CREB3L4: variants seen among roughly 807,000 people sequenced by gnomAD.
CREB3L4 encodes the protein cAMP responsive element binding protein 3 like 4, also known as cyclic AMP-responsive element-binding protein 3-like protein 4.
A neutral mutation model predicts 37.0 loss-of-function variants in CREB3L4; 28 were observed. The observed-to-expected ratio is 0.76, with a 90% confidence interval of 0.56 to 1.04. The LOEUF (loss-of-function observed/expected upper bound fraction) is 1.04, where lower values mean the gene tolerates loss of function less well. Among genes scored for constraint, CREB3L4 ranks in the 50% least tolerant of loss-of-function variants. CREB3L4 has a pLI of 0.00. For missense variants in CREB3L4, 462 were observed against 486.0 expected (o/e 0.95, Z 0.46); for synonymous variants, 175 against 192.2 (o/e 0.91, Z 0.74).
At chr1:153,968,725 G>C (rs1277058444) in intron 2 of CREB3L4, 26 bp downstream of exon 2, 1 of 1,613,102 alleles carries the variant, frequency 6.2e-7, no homozygotes. Flanking sequence ...GGGAGTGGGG[G>C]TGGGGTTGAG....
intron 4 of CREB3L4, among the ~76,000 whole-genome samples, chr1:153,972,511 G>T (rs1296158824): frequency 6.6e-6 from 1 of 152,160 alleles, no homozygotes; most frequent in Non-Finnish European, 1.5e-5. Flanking sequence ...GTGTCTGGGT[G>T]AAGGATATGA....
At chr1:153,971,587 C>CTTTTTTTTT (rs55930906) in intron 4 of CREB3L4, among the ~76,000 whole-genome samples, 252 of 107,266 alleles carry the variant, frequency 2.3e-3, no homozygotes, top group African/African-American at 2.8e-3. Flanking sequence ...TTTTCTTTTT[C>CTTTTTTTTT]TTTTTTTTTT....
chr1:153,973,543 C>T (rs1292181878), intron 8 of CREB3L4, 77 bp from the exon 9 acceptor site: 1 of 1,564,888 alleles, frequency 6.4e-7, no homozygotes, highest in Non-Finnish European at 8.8e-7. Flanking sequence ...ATCTACTTCC[C>T]ACATCCGATA....
rs1033057371 is a variant in CREB3L4 at position 153,968,633 on chromosome 1, G to A, written c.108G>A (p.Glu36=). The A allele has an allele frequency of 1.2e-6, 2 of 1,614,032 alleles. No homozygotes were observed. Among genetic ancestry groups the A allele is most frequent in the Middle Eastern group, 1.6e-4 (1 of 6,062 alleles). Residue 36 remains glutamate (E), a synonymous_variant, in exon 2 of 10, where the codon GAG becomes GAA. Coordinates refer to ENST00000368607, the MANE Select transcript of CREB3L4 (RefSeq NM_001255978.2). ...TGGGACTCCACTGCCCCCCTCCAGA[G>A]GTTCCGGTAACTAGGCTACAGGAAC... ...LELGLHCPPP[E]VPVTRLQEQG...
At chr1:153,973,307 T>C (rs1466445981) in intron 7 of CREB3L4, 44 bp downstream of exon 7, 5 of 1,609,888 alleles carry the variant, frequency 3.1e-6, no homozygotes, top group African/African-American at 1.3e-5. Context: ...TGAAGGCAGG[T>C]ACAGCACACA....
At position 153,974,061 on chromosome 1, in the gene CREB3L4, T is replaced by C; in HGVS notation, c.1184T>C (p.Met395Thr). 1 of 1,613,230 alleles carries C rather than the reference T, an allele frequency of 6.2e-7. No homozygotes were observed. The highest frequency in any genetic ancestry group is 8.5e-7 in the Non-Finnish European group (1 of 1,179,804). The part of the protein sequence containing the change: ...RIRSVLHADE[M>T] The stretch of plus-strand genomic sequence containing the variant: ...CGGTCCGTGCTGCATGCAGATGAGA[T>C]GTGAGCTGGAACAGACCTTCCTGGC... The change falls in exon 10 of 10, where the codon ATG becomes ACG. Residue 395 changes from methionine to threonine, a missense_variant. Coordinates refer to ENST00000368607, the MANE Select transcript of CREB3L4 (RefSeq NM_001255978.2).
At chr1:153,969,213 C>T (rs953766192) in intron 3 of CREB3L4, 37 bp downstream of exon 3, 7 of 1,613,796 alleles carry the variant, frequency 4.3e-6, no homozygotes, top group African/African-American at 4.0e-5. Flanking sequence ...AATGGCCCTT[C>T]GGGACTGGCC....
Position 153,972,848 on chromosome 1 carries a change from C to T in CREB3L4, c.636+12C>T. ...TGCCCCTCACCAAGGTAACATGCTTCCCCTAAGGGTATCCCAACCCAGGGG... is the reference window on the plus strand; with the variant it reads ...TGCCCCTCACCAAGGTAACATGCTTTCCCTAAGGGTATCCCAACCCAGGGG... On this transcript the variant is annotated intron_variant, in intron 5 of 9. Coordinates refer to ENST00000368607, the MANE Select transcript of CREB3L4 (RefSeq NM_001255978.2). 1.9e-6 allele frequency: 3 copies of T among 1,612,572 alleles called. No homozygotes were observed. Among genetic ancestry groups the T allele is most frequent in the Admixed American group, 1.7e-5 (1 of 59,946 alleles).
chr1:153,974,021 C>T lies in CREB3L4; in HGVS notation c.1144C>T (p.Pro382Ser). Residue 382 changes from proline (P) to serine (S), a missense_variant, in exon 10 of 10, where the codon CCC becomes TCC. Pro to Ser is a moderately conservative substitution (Grantham distance 74). Transcript: ENST00000368607. ...TGAGAAGATGGGAGGGAAGCCAAGA[C>T]CCAGTGGGCGCATCCGGTCCGTGCT... The part of the protein sequence containing the change: ...LLEKMGGKPR[P>S]SGRIRSVLHA... The T allele has an allele frequency of 6.2e-7, 1 of 1,614,144 alleles. No individual in the cohort carries two copies. The highest frequency in any genetic ancestry group is 8.5e-7 in the Non-Finnish European group (1 of 1,180,024).
intron 2 of CREB3L4, 70 bp downstream of exon 2, chr1:153,968,769 C>T: frequency 6.3e-7 from 1 of 1,590,362 alleles, no homozygotes; most frequent in Middle Eastern, 1.7e-4. Context: ...TCAGCTCCCA[C>T]TTGGAGACAG....
In CREB3L4 at chr1:153,969,432, G is replaced by A. The variant is rs1648123037; in HGVS notation, c.520G>A (p.Ala174Thr). 1 of 1,613,990 alleles carries A rather than the reference G, an allele frequency of 6.2e-7. No homozygotes were observed. Among genetic ancestry groups the A allele is most frequent in the Admixed American group, 1.7e-5 (1 of 60,000 alleles). Residue 174 changes from alanine to threonine, a missense_variant, in exon 4 of 10, where the codon GCC becomes ACC. Transcript: ENST00000368607. Reference sequence around the variant, plus strand: ...CATCCTGCCCAGAGCAGGCACCGTAGCCCCAGTGCCCTGTACAACCCTGGT... The same window carrying A: ...CATCCTGCCCAGAGCAGGCACCGTAACCCCAGTGCCCTGTACAACCCTGGT... The part of the protein sequence containing the change: ...AHILPRAGTV[A>T]PVPCTTLLPC...
At chr1:153,969,650 A>T (rs1648151992) in intron 4 of CREB3L4, 195 bp downstream of exon 4, 1 of 582,202 alleles carries the variant, frequency 1.7e-6, no homozygotes, top group Non-Finnish European at 3.0e-6. Context: ...TTACTCTGTC[A>T]TCCAGGCTGG....
chr1:153,969,057 C>A lies in CREB3L4; in HGVS notation c.302C>A (p.Pro101His). The change falls in exon 3 of 10, where the codon CCC becomes CAC. Residue 101 changes from proline to histidine, a missense_variant. Pro to His is a moderately conservative substitution (Grantham distance 77). Coordinates refer to ENST00000368607, the MANE Select transcript of CREB3L4 (RefSeq NM_001255978.2). ...ISEDPCHPDS[P>H]PAPRATSSPM... ...GAGGACCCCTGCCATCCAGACAGTCCCCCTGCCCCCAGGGCAACCAGTTCT... is the reference window on the plus strand; with the variant it reads ...GAGGACCCCTGCCATCCAGACAGTCACCCTGCCCCCAGGGCAACCAGTTCT... 6.2e-7 allele frequency: 1 copy of A among 1,614,190 alleles called. No homozygotes were observed. Among genetic ancestry groups the A allele is most frequent in the East Asian group, 2.2e-5 (1 of 44,886 alleles).
rs749081011 is a variant in CREB3L4, at chr1:153,968,933, C to T, written c.178C>T (p.Leu60Phe). 4 of 1,609,716 alleles carry T rather than the reference C, an allele frequency of 2.5e-6. No individual in the cohort carries two copies. The South Asian group carries it at 4.4e-5, about 18-fold the overall frequency. ...WKSGGDRGCG[L>F]QESEPEDFLK... ...ATATAACCTTTTCCTACTGTAGGGC[C>T]TTCAAGAGAGTGAGCCTGAAGATTT... The change falls in exon 3 of 10, where the codon CTT (leucine) becomes TTT (phenylalanine). Residue 60 changes from leucine (L) to phenylalanine (F), a missense_variant. Transcript: ENST00000368607.
At chr1:153,973,778 A>C in intron 9 of CREB3L4, 62 bp downstream of exon 9, 1 of 1,557,034 alleles carries the variant, frequency 6.4e-7, no homozygotes, top group East Asian at 2.3e-5. Context: ...CTGTTCTCCA[A>C]GGTCGTCAAG....
chr1:153,973,279 G>A lies in CREB3L4; in HGVS notation c.812+16G>A. On this transcript the variant is annotated intron_variant, in intron 7 of 9. Coordinates refer to ENST00000368607, the MANE Select transcript of CREB3L4 (RefSeq NM_001255978.2). The stretch of plus-strand genomic sequence containing the variant: ...GGCACAACATGTGAGTGAAAGCATT[G>A]TGTGTGTATGTGTGTTTTGAAGGCA... The A allele has an allele frequency of 6.2e-7, 1 of 1,613,692 alleles. No homozygotes were observed. Among genetic ancestry groups the A allele is most frequent in the Non-Finnish European group, 8.5e-7 (1 of 1,179,612 alleles).
In CREB3L4 at chr1:153,968,903, C is replaced by CAT. The variant is rs369495321; in HGVS notation, c.175-19_175-18dup. The CAT allele has an allele frequency of 2.1e-4, 325 of 1,576,420 alleles. No individual in the cohort carries two copies. The African/African-American group carries it at 3.6e-3, about 17-fold the overall frequency. On this transcript the variant is annotated intron_variant, in intron 2 of 9. Coordinates refer to ENST00000368607, the MANE Select transcript of CREB3L4 (RefSeq NM_001255978.2). The stretch of plus-strand genomic sequence containing the variant: ...AGGACTTCCAAAATTCTTCCCTGCA[C>CAT]ATATATATAACCTTTTCCTACTGTA...
At chr1:153,971,587 C>CTTTTT (rs55930906) in intron 4 of CREB3L4, among the ~76,000 whole-genome samples, 66 of 107,436 alleles carry the variant, frequency 6.1e-4, no homozygotes, top group African/African-American at 9.2e-4. Context: ...TTTTCTTTTT[C>CTTTTT]TTTTTTTTTT....
chr1:153,973,050 A>G lies in CREB3L4; in HGVS notation c.715A>G (p.Lys239Glu), dbSNP rs2102175961. ...QSAQDSRRRK[K>E]EYIDGLESRV... Reference sequence around the variant, plus strand: ...AGCTCAGGACAGTCGGCGGCGGAAGAAGGAGTACATTGATGGGCTGGAGAG... The same window carrying G: ...AGCTCAGGACAGTCGGCGGCGGAAGGAGGAGTACATTGATGGGCTGGAGAG... The change falls in exon 6 of 10, where the codon AAG becomes GAG. Residue 239 changes from lysine (K) to glutamate (E), a missense_variant. Transcript: ENST00000368607. 6 of 1,614,136 alleles carry G rather than the reference A, an allele frequency of 3.7e-6. No individual in the cohort carries two copies. The highest frequency in any genetic ancestry group is 1.3e-5 in the African/African-American group (1 of 75,012).
Sources: gnomAD v4.1 joint callset for allele counts (sites outside exome capture counted in the v4.1 genomes callset) on GRCh38, gnomAD v4.1.1 for gene constraint, MANE v1.5 for transcripts, NCBI Gene and HGNC (gene_info 2026-07-23, HGNC 2026-07-21) for gene names.